Variants in ADGB observed in about 807,000 individuals in gnomAD.
ADGB encodes the protein calpain-7-like protein.
ADGB carries 172 observed loss-of-function variants against 210.5 expected under a neutral mutation model. That is an observed-to-expected ratio of 0.82 (90% CI 0.72 to 0.93). The LOEUF (loss-of-function observed/expected upper bound fraction) is 0.93, where lower values mean the gene tolerates loss of function less well. Ranked by LOEUF, ADGB falls within the 40% of genes least tolerant of loss-of-function variation. The pLI is 0.00. For synonymous variants in ADGB, 658 were observed against 662.7 expected (o/e 0.99, Z 0.11); for missense variants, 2,025 against 1,964.8 (o/e 1.03, Z -0.58).
intron 1 of ADGB, among the ~76,000 whole-genome samples, chr6:146,633,589 C>T (rs1474859494): frequency 1.3e-5 from 2 of 152,092 alleles, no homozygotes; most frequent in East Asian, 3.9e-4. Context: ...ATCTGGAATA[C>T]TCTTCCTTCC....
chr6:146,771,491 C>A (rs1188490011), intron 29 of ADGB, among the ~76,000 whole-genome samples: 1 of 152,094 alleles, frequency 6.6e-6, no homozygotes, highest in African/African-American at 2.4e-5. Context: ...TTAAAGTAAC[C>A]ATTACCCTAT....
At chr6:146,639,577 CA>C (rs1320996668) in intron 2 of ADGB, 7 of 151,946 alleles carry the variant, frequency 4.6e-5, no homozygotes, top group Admixed American at 4.6e-4. Context: ...GAAAGGAAGT[CA>C]AACTATCCCT....
At chr6:146,701,229 G>C (rs1776485284) in intron 13 of ADGB, among the ~76,000 whole-genome samples, 159 bp downstream of exon 13, 1 of 152,018 alleles carries the variant, frequency 6.6e-6, no homozygotes, top group Non-Finnish European at 1.5e-5. Flanking sequence ...CTATCACCTA[G>C]GTTAGAAAAT....
intron 12 of ADGB, among the ~76,000 whole-genome samples, chr6:146,695,924 T>C (rs1307430907): frequency 1.3e-5 from 2 of 152,148 alleles, no homozygotes; most frequent in Admixed American, 6.5e-5. Flanking sequence ...GTAATTGTCC[T>C]AATAGTTAAA....
chr6:146,617,957 G>C (rs1176626086), intron 1 of ADGB, among the ~76,000 whole-genome samples: 1 of 152,032 alleles, frequency 6.6e-6, no homozygotes, highest in East Asian at 1.9e-4. Context: ...TTACTGCTGA[G>C]TGAAAGCCTT....
At chr6:146,763,054 A>G (rs1410124) in intron 27 of ADGB, among the ~76,000 whole-genome samples, 88,020 of 151,930 alleles carry the variant, frequency 0.58, 27,771 homozygotes, top group African/African-American at 0.84. Context: ...CAGGAGCCCC[A>G]CTCACCCATC....
intron 1 of ADGB, among the ~76,000 whole-genome samples, chr6:146,627,501 T>C (rs772886536): frequency 3.3e-5 from 5 of 152,124 alleles, no homozygotes; most frequent in African/African-American, 4.8e-5. Context: ...CCATGTTTAA[T>C]GTAGGGCCAA....
intron 33 of ADGB, among the ~76,000 whole-genome samples, chr6:146,789,615 AT>A (rs1196474905): frequency 2.0e-5 from 3 of 152,300 alleles, no homozygotes; most frequent in East Asian, 3.9e-4. Context: ...AGATTCTGAT[AT>A]TTTTTAACCA....
chr6:146,759,981 TAG>T (rs940813460), intron 27 of ADGB, among the ~76,000 whole-genome samples: 6 of 151,904 alleles, frequency 3.9e-5, no homozygotes, highest in African/African-American at 1.4e-4. Flanking sequence ...AGCTGATTTG[TAG>T]AGTCTCATAC....
chr6:146,623,299 T>C (rs558707195), intron 1 of ADGB, among the ~76,000 whole-genome samples: 2 of 151,964 alleles, frequency 1.3e-5, no homozygotes, highest in Non-Finnish European at 2.9e-5. Flanking sequence ...CTATATTGAA[T>C]CTTTCAACAT....
intron 3 of ADGB, among the ~76,000 whole-genome samples, chr6:146,653,560 A>G (rs755656406): frequency 6.7e-4 from 102 of 152,132 alleles, no homozygotes; most frequent in Non-Finnish European, 1.2e-3. Context: ...GACACATAGA[A>G]GGGAACAACA....
intron 1 of ADGB, among the ~76,000 whole-genome samples, chr6:146,609,494 T>C (rs897695651): frequency 2.6e-5 from 4 of 152,202 alleles, no homozygotes; most frequent in Non-Finnish European, 5.9e-5. Flanking sequence ...AGTTTCTTTA[T>C]AGTGTCAATT....
intron 13 of ADGB, among the ~76,000 whole-genome samples, chr6:146,701,471 G>C (rs1283381009): frequency 1.3e-5 from 2 of 151,930 alleles, no homozygotes; most frequent in African/African-American, 4.8e-5. Flanking sequence ...CACAGTGTTA[G>C]TGGCTGTATT....
At chr6:146,735,318 C>A (rs1301070051) in intron 22 of ADGB, among the ~76,000 whole-genome samples, 1 of 152,046 alleles carries the variant, frequency 6.6e-6, no homozygotes, top group Non-Finnish European at 1.5e-5. Context: ...CTGGAAAATC[C>A]AAAATCAAGG....
chr6:146,600,540 G>A lies in ADGB; in HGVS notation c.74+1426G>A, dbSNP rs183508112. The stretch of plus-strand genomic sequence containing the variant: ...CCTTCCTTCAGGAGTTTACCTAAAT[G>A]TCATTTTCTCCTGTTAGCTTCTTTG... On this transcript the variant is annotated intron_variant, in intron 1 of 35. Coordinates refer to ENST00000397944, the MANE Select transcript of ADGB (RefSeq NM_024694.4). Among the ~76,000 whole-genome samples, 304 of 152,124 alleles carry A rather than the reference G, an allele frequency of 2.0e-3. 1 individual carries two copies. Among genetic ancestry groups the A allele is most frequent in the African/African-American group, 7.0e-3 (290 of 41,512 alleles).
chr6:146,660,283 A>G (rs1379093306), intron 5 of ADGB, among the ~76,000 whole-genome samples: 1 of 152,166 alleles, frequency 6.6e-6, no homozygotes, highest in Non-Finnish European at 1.5e-5. Flanking sequence ...CTATCATTCA[A>G]TTACTTTGTT....
intron 35 of ADGB, among the ~76,000 whole-genome samples, chr6:146,806,976 A>G (rs1778221175): frequency 2.0e-5 from 3 of 152,238 alleles, no homozygotes; most frequent in Admixed American, 2.0e-4. Context: ...GGATTTGGCC[A>G]TACTATTTGG....
At chr6:146,606,915 C>G (rs1335053151) in intron 1 of ADGB, among the ~76,000 whole-genome samples, 2 of 151,984 alleles carry the variant, frequency 1.3e-5, no homozygotes, top group African/African-American at 4.8e-5. Flanking sequence ...AATTTTATGA[C>G]TTTTTTTCCA....
At chr6:146,609,561 G>A (rs1780677015) in intron 1 of ADGB, among the ~76,000 whole-genome samples, 1 of 152,030 alleles carries the variant, frequency 6.6e-6, no homozygotes, top group South Asian at 2.1e-4. Context: ...ATACTTCAGT[G>A]TCTTTTTGTG....
Sources: allele counts gnomAD v4.1 joint callset (sites outside exome capture counted in the v4.1 genomes callset), GRCh38; gene constraint gnomAD v4.1.1; transcripts MANE v1.5; gene names NCBI Gene and HGNC (gene_info 2026-07-23, HGNC 2026-07-21).